Variants in RIMS1 observed in about 807,000 individuals in gnomAD.
RIMS1 encodes regulating synaptic membrane exocytosis 1.
A neutral mutation model predicts 214.1 loss-of-function variants in RIMS1; 83 were observed. That is an observed-to-expected ratio of 0.39 (90% CI 0.32 to 0.47). The LOEUF (loss-of-function observed/expected upper bound fraction) is 0.47, where lower values mean the gene tolerates loss of function less well. Among genes scored for constraint, RIMS1 ranks in the 20% least tolerant of loss-of-function variants. The pLI is 0.99. For missense variants in RIMS1, 2,050 were observed against 2,161.8 expected (o/e 0.95, Z 1.03); for synonymous variants, 793 against 786.8 (o/e 1.01, Z -0.13).
chr6:72,127,686 C>T (rs1302755849), intron 4 of RIMS1, among the ~76,000 whole-genome samples: 1 of 152,200 alleles, frequency 6.6e-6, no homozygotes, highest in Non-Finnish European at 1.5e-5. Context: ...CCCTGTTCCT[C>T]TGGTCCAGCT....
intron 2 of RIMS1, among the ~76,000 whole-genome samples, chr6:72,091,043 G>A (rs1333850916): frequency 2.6e-5 from 4 of 152,296 alleles, no homozygotes; most frequent in South Asian, 2.1e-4. Context: ...TGCCAAAGGC[G>A]TCAAGGGAAA....
chr6:72,228,540 T>G (rs948417138), intron 6 of RIMS1, among the ~76,000 whole-genome samples: 2 of 151,936 alleles, frequency 1.3e-5, no homozygotes, highest in Non-Finnish European at 2.9e-5. Context: ...CTGTGTTGTA[T>G]GTTTATACCA....
chr6:72,173,457 G>T (rs1036366825), intron 4 of RIMS1, among the ~76,000 whole-genome samples: 2 of 150,690 alleles, frequency 1.3e-5, no homozygotes, highest in Admixed American at 1.3e-4. Context: ...TTTATTTCAT[G>T]TGTTTTATCT....
chr6:72,203,566 G>C (rs1166885512), intron 6 of RIMS1, among the ~76,000 whole-genome samples: 1 of 152,140 alleles, frequency 6.6e-6, no homozygotes, highest in Non-Finnish European at 1.5e-5. Context: ...TCAAGAACTG[G>C]GTTACCTTGG....
intron 1 of RIMS1, among the ~76,000 whole-genome samples, chr6:71,891,880 C>T (rs1254255063): frequency 6.6e-6 from 1 of 152,136 alleles, no homozygotes; most frequent in Non-Finnish European, 1.5e-5. Context: ...AGTGAGCTTC[C>T]TGGAAAGATA....
Position 72,223,529 on chromosome 6 carries a change from A to G in RIMS1, c.1679-10244A>G, listed in dbSNP as rs1310164150. ...AAATGTAGCCAAGTGAAATAAATTT[A>G]AAATACATAGAAAAGATCAGTAAGG... On this transcript the variant is annotated intron_variant, in intron 6 of 33. Transcript: ENST00000521978. 3.9e-5 allele frequency among the ~76,000 whole-genome samples: 6 copies of G among 152,244 alleles called. No homozygotes were observed. The East Asian group carries it at 1.2e-3, about 29-fold the overall frequency.
chr6:72,267,031 G>T (rs1419829403), intron 22 of RIMS1, among the ~76,000 whole-genome samples: 1 of 152,026 alleles, frequency 6.6e-6, no homozygotes, highest in Non-Finnish European at 1.5e-5. Flanking sequence ...AGGTACACGT[G>T]TGTATATACC....
intron 1 of RIMS1, among the ~76,000 whole-genome samples, chr6:71,891,701 A>G (rs1170003958): frequency 1.3e-5 from 2 of 152,232 alleles, no homozygotes; most frequent in East Asian, 3.8e-4. Flanking sequence ...ACCCCAAAAT[A>G]TGAAAAAGGC....
At chr6:72,398,450 C>A in intron 32 of RIMS1, 100 bp downstream of exon 32, 1 of 667,010 alleles carries the variant, frequency 1.5e-6, no homozygotes, top group Non-Finnish European at 2.5e-6. Context: ...TGTTTTGCAT[C>A]ATCTGATTGA....
intron 4 of RIMS1, among the ~76,000 whole-genome samples, chr6:72,162,022 A>G (rs2045505886): frequency 7.1e-6 from 1 of 140,260 alleles, no homozygotes. Context: ...ATGGGAGTCT[A>G]AGTCTCTTTG....
intron 9 of RIMS1, among the ~76,000 whole-genome samples, chr6:72,238,706 G>A (rs1196540344): frequency 1.3e-5 from 2 of 152,010 alleles, no homozygotes; most frequent in African/African-American, 4.8e-5. Context: ...GTATTTGCCA[G>A]ACAACTATAA....
chr6:72,179,552 A>G, intron 4 of RIMS1, 23 bp from the exon 5 acceptor site: 1 of 1,564,206 alleles, frequency 6.4e-7, no homozygotes, highest in South Asian at 1.2e-5. Flanking sequence ...AAAAATTTAT[A>G]TTGTTCTTTC....
intron 29 of RIMS1, among the ~76,000 whole-genome samples, chr6:72,365,044 C>T (rs767033240): frequency 7.9e-5 from 12 of 152,332 alleles, no homozygotes; most frequent in Middle Eastern, 3.4e-3. Context: ...CATCTGCTCC[C>T]GTAGTTTTCT....
chr6:71,989,708 T>C (rs755741579), intron 2 of RIMS1, among the ~76,000 whole-genome samples: 1 of 152,224 alleles, frequency 6.6e-6, no homozygotes, highest in Non-Finnish European at 1.5e-5. Flanking sequence ...GTTGAGCATC[T>C]GCTACGTACC....
At chr6:72,003,003 C>T (rs1439798557) in intron 2 of RIMS1, among the ~76,000 whole-genome samples, 2 of 152,182 alleles carry the variant, frequency 1.3e-5, no homozygotes, top group African/African-American at 2.4e-5. Context: ...TTTCTAGCCA[C>T]TAATGAAATA....
intron 4 of RIMS1, among the ~76,000 whole-genome samples, chr6:72,123,489 C>T (rs1199525290): frequency 1.3e-5 from 2 of 151,696 alleles, no homozygotes; most frequent in South Asian, 4.2e-4. Context: ...CTATTAGGTC[C>T]ACTTGGTGCA....
chr6:72,240,901 A>G (rs1007363637), intron 9 of RIMS1, among the ~76,000 whole-genome samples: 3 of 152,020 alleles, frequency 2.0e-5, no homozygotes, highest in Non-Finnish European at 4.4e-5. Flanking sequence ...TTGTAATCCT[A>G]GCTACTCAGG....
At chr6:71,949,828 A>G (rs1167723198) in intron 1 of RIMS1, among the ~76,000 whole-genome samples, 1 of 152,208 alleles carries the variant, frequency 6.6e-6, no homozygotes, top group Non-Finnish European at 1.5e-5. Flanking sequence ...ATTAACATAC[A>G]CTTGCCATAT....
At chr6:72,261,918 T>G in intron 19 of RIMS1, 2 of 984,904 alleles carry the variant, frequency 2.0e-6, no homozygotes, top group Non-Finnish European at 2.4e-6. Flanking sequence ...CTACTGAAGG[T>G]CAAAGCATGA....
Sources: allele counts gnomAD v4.1 joint callset (sites outside exome capture counted in the v4.1 genomes callset), GRCh38; gene constraint gnomAD v4.1.1; transcripts MANE v1.5; gene names NCBI Gene and HGNC (gene_info 2026-07-23, HGNC 2026-07-21).